Variants in DNAH9 observed in about 807,000 individuals in gnomAD.
DNAH9 encodes the protein dynein axonemal heavy chain 9.
DNAH9 carries 345 observed loss-of-function variants against 471.6 expected under a neutral mutation model. That is an observed-to-expected ratio of 0.73 (90% CI 0.67 to 0.80). The LOEUF (loss-of-function observed/expected upper bound fraction) is 0.80, where lower values mean the gene tolerates loss of function less well. DNAH9 is among the 30% of genes least tolerant of loss of function. The pLI is 0.00. For synonymous variants in DNAH9, 2,093 were observed against 2,123.6 expected, an observed-to-expected ratio of 0.99 and a Z score of 0.40; for missense variants, 5,407 against 5,609.2, an observed-to-expected ratio of 0.96 and a Z score of 1.15.
chr17:11,891,231 A>G (rs1973040104), intron 57 of DNAH9, among the ~76,000 whole-genome samples: 1 of 152,214 alleles, frequency 6.6e-6, no homozygotes, highest in Non-Finnish European at 1.5e-5. Flanking sequence ...GACTCGTCTT[A>G]TCACTGCAGA....
intron 10 of DNAH9, 61 bp from the exon 11 acceptor site, chr17:11,644,570 C>T (rs1309046288): frequency 7.8e-7 from 1 of 1,280,476 alleles, no homozygotes; most frequent in Non-Finnish European, 1.1e-6. Context: ...CAGTTTGTTC[C>T]TCGGATTATT....
At chr17:11,620,279 C>T (rs2072829486) in intron 6 of DNAH9, among the ~76,000 whole-genome samples, 1 of 151,982 alleles carries the variant, frequency 6.6e-6, no homozygotes, top group South Asian at 2.1e-4. Context: ...TTTGGGGAGG[C>T]CAAGGCAGGT....
rs372531700 is a variant in DNAH9, at chr17:11,694,742, T to C, written c.4872+295T>C. Among the ~76,000 whole-genome samples, 198 of 3,088 alleles carry C rather than the reference T, an allele frequency of 0.064. 84 individuals are homozygous for C. In the East Asian group the frequency reaches 0.73, roughly 11 times the overall value. 2.0% of individuals were successfully genotyped at this position (3,088 alleles called of 152,430 possible). ...TCTCTCTCTCTTTCTCTTTCTTTCT[T>C]TCTTTCTTTCCTTCCTTCCTTCCTT... On this transcript the variant is annotated intron_variant, in intron 22 of 68. Coordinates refer to ENST00000262442, the MANE Select transcript of DNAH9 (RefSeq NM_001372.4).
chr17:11,741,139 A>C (rs980790265), intron 29 of DNAH9, among the ~76,000 whole-genome samples: 1 of 152,232 alleles, frequency 6.6e-6, no homozygotes, highest in Non-Finnish European at 1.5e-5. Context: ...AATACAATGT[A>C]AAATATTTCA....
chr17:11,707,533 C>T (rs2074724601), intron 26 of DNAH9, among the ~76,000 whole-genome samples: 1 of 152,128 alleles, frequency 6.6e-6, no homozygotes, highest in Non-Finnish European at 1.5e-5. Flanking sequence ...AAGATAATTC[C>T]TCTGCTTTTT....
In DNAH9 at chr17:11,640,140, G is replaced by T. The variant is rs11658293; in HGVS notation, c.1787-130G>T. On this transcript the variant is annotated intron_variant, in intron 9 of 68. Coordinates refer to ENST00000262442, the MANE Select transcript of DNAH9 (RefSeq NM_001372.4). Reference sequence around the variant, plus strand: ...TTAACAGAACCCCCCAGGAACTCCAGTGTGCTCCCAGGTGACTTTAGTCTG... The same window carrying T: ...TTAACAGAACCCCCCAGGAACTCCATTGTGCTCCCAGGTGACTTTAGTCTG... The T allele has an allele frequency of 0.34, 219,927 of 639,780 alleles. 39,402 individuals carry two copies. The highest frequency in any genetic ancestry group is 0.38 in the Middle Eastern group (885 of 2,316). 39.6% of individuals were successfully genotyped at this position (639,780 alleles called of 1,614,324 possible). A position where few individuals can be genotyped will look rare whatever the true frequency, so the allele number is the denominator to read the frequency against.
intron 27 of DNAH9, among the ~76,000 whole-genome samples, chr17:11,720,382 A>G (rs556540422): frequency 6.6e-6 from 1 of 152,060 alleles, no homozygotes; most frequent in South Asian, 2.1e-4. Context: ...GTATCTCCTA[A>G]TGCTATCCCT....
At chr17:11,901,877 G>C (rs1973429902) in intron 59 of DNAH9, among the ~76,000 whole-genome samples, 1 of 152,226 alleles carries the variant, frequency 6.6e-6, no homozygotes, top group African/African-American at 2.4e-5. Flanking sequence ...CTTGCTCTAA[G>C]TGGTTTACAA....
intron 1 of DNAH9, among the ~76,000 whole-genome samples, chr17:11,604,078 A>C (rs1388726099): frequency 1.3e-5 from 2 of 150,574 alleles, no homozygotes; most frequent in Non-Finnish European, 1.5e-5. Flanking sequence ...GCTGGAGTGC[A>C]GTGGCATGAT....
intron 43 of DNAH9, among the ~76,000 whole-genome samples, chr17:11,804,256 A>G (rs1969577755): frequency 6.6e-6 from 1 of 152,248 alleles, no homozygotes; most frequent in Admixed American, 6.5e-5. Context: ...AGGTCAATAA[A>G]TAACTCCTGA....
At chr17:11,636,599 AT>A (rs151215889) in intron 8 of DNAH9, 34 bp from the exon 9 acceptor site, 1 of 1,595,942 alleles carries the variant, frequency 6.3e-7, no homozygotes, top group Admixed American at 1.7e-5. Flanking sequence ...TTAATCTGTG[AT>A]TTTTTTCCTC....
intron 14 of DNAH9, among the ~76,000 whole-genome samples, chr17:11,656,623 A>G (rs977730047): frequency 3.9e-5 from 6 of 152,178 alleles, no homozygotes; most frequent in Non-Finnish European, 8.8e-5. Context: ...ATGCAGTACA[A>G]CGTACAGACA....
rs2073940530 is a variant in DNAH9, at chr17:11,669,536, G to C, written c.3095G>C (p.Gly1032Ala). 1 of 1,613,966 alleles carries C rather than the reference G, an allele frequency of 6.2e-7. No individual in the cohort carries two copies. The highest frequency in any genetic ancestry group is 1.3e-5 in the African/African-American group (1 of 74,886). Residue 1032 changes from glycine (G) to alanine (A), a missense_variant, in exon 17 of 69, where the codon GGG (glycine) becomes GCG (alanine). Transcript: ENST00000262442. ...KEVLGQFLLY[G>A]HILTPEEIED... ...GTTCTGGGTCAGTTTCTGCTGTACG[G>C]GCACATCCTCACTCCGGAAGAAATT...
Position 11,704,935 on chromosome 17 carries a change from A to C in DNAH9, c.5392-90A>C, listed in dbSNP as rs1567734640. ...GCTGCACACTTTAGCAGCAGTCAAC[A>C]GCCAAGGCATCAGACCCCTATGTGT... On this transcript the variant is annotated intron_variant, in intron 25 of 68. Coordinates refer to ENST00000262442, the MANE Select transcript of DNAH9 (RefSeq NM_001372.4). 14 of 1,052,024 alleles carry C rather than the reference A, an allele frequency of 1.3e-5. No individual in the cohort carries two copies. In the East Asian group the frequency reaches 3.3e-4, roughly 25 times the overall value. 65.2% of individuals were successfully genotyped at this position (1,052,024 alleles called of 1,614,324 possible).
intron 55 of DNAH9, chr17:11,882,973 G>A (rs933164767): frequency 1.0e-4 from 103 of 985,354 alleles, no homozygotes; most frequent in Non-Finnish European, 1.2e-4. Context: ...TTCTTCCCAC[G>A]AATCCAAAGG....
chr17:11,821,620 A>G (rs539775231), intron 45 of DNAH9, among the ~76,000 whole-genome samples: 1 of 152,312 alleles, frequency 6.6e-6, no homozygotes, highest in South Asian at 2.1e-4. Context: ...CAAAAAATAC[A>G]GTAGATGGGA....
intron 59 of DNAH9, among the ~76,000 whole-genome samples, chr17:11,895,173 A>G (rs1438681401): frequency 6.6e-6 from 1 of 152,188 alleles, no homozygotes; most frequent in African/African-American, 2.4e-5. Flanking sequence ...GAGTGTTGAA[A>G]AGATCACAAA....
At chr17:11,823,885 G>A (rs1023131691) in intron 48 of DNAH9, among the ~76,000 whole-genome samples, 9 of 150,266 alleles carry the variant, frequency 6.0e-5, no homozygotes, top group Non-Finnish European at 1.2e-4. Context: ...AGCCGAGATT[G>A]CACCACTGCC....
At position 11,781,095 on chromosome 17, in the gene DNAH9, A is replaced by G; in HGVS notation, c.7639A>G (p.Met2547Val). 2 of 1,614,192 alleles carry G rather than the reference A, an allele frequency of 1.2e-6. No individual in the cohort carries two copies. Among genetic ancestry groups the G allele is most frequent in the Non-Finnish European group, 1.7e-6 (2 of 1,180,038 alleles). ...NKKLIYFIDD[M>V]NMPEVDAYGT... ...GAAACTCATCTATTTCATTGATGAC[A>G]TGAACATGCCTGAGGTGGATGCCTA... The change falls in exon 39 of 69, where the codon ATG (methionine) becomes GTG (valine). Residue 2547 changes from methionine to valine, a missense_variant. By Grantham distance (21) the Met-to-Val change is conservative. Transcript: ENST00000262442.
Sources: allele counts gnomAD v4.1 joint callset (sites outside exome capture counted in the v4.1 genomes callset), GRCh38; gene constraint gnomAD v4.1.1; transcripts MANE v1.5; gene names NCBI Gene and HGNC (gene_info 2026-07-23, HGNC 2026-07-21).